The following NTM variants were observed in gnomAD, a reference collection of about 807,000 sequenced individuals.
NTM encodes the protein IgLON family member 2.
Under a neutral mutation model 42.1 loss-of-function variants are expected in NTM, and 13 were observed. The observed-to-expected ratio is 0.31, with a 90% CI of 0.20 to 0.49. The LOEUF (loss-of-function observed/expected upper bound fraction) is 0.49, where lower values mean the gene tolerates loss of function less well. Ranked by LOEUF, NTM falls within the 20% of genes least tolerant of loss-of-function variation. NTM has a pLI of 0.99. For synonymous variants in NTM, 187 were observed against 179.2 expected (o/e 1.04, Z -0.35); for missense variants, 373 against 452.8 (o/e 0.82, Z 1.60).
intron 1 of NTM, among the ~76,000 whole-genome samples, chr11:131,746,175 G>A (rs1209218228): frequency 6.6e-6 from 1 of 152,114 alleles, no homozygotes; most frequent in Non-Finnish European, 1.5e-5. Context: ...GATGTGGTGG[G>A]GAAAACAACA....
At chr11:131,991,986 C>T (rs911786371) in intron 2 of NTM, among the ~76,000 whole-genome samples, 1 of 152,092 alleles carries the variant, frequency 6.6e-6, no homozygotes, top group African/African-American at 2.4e-5. Flanking sequence ...ATATGGAAAC[C>T]TACTCAATCT....
intron 2 of NTM, among the ~76,000 whole-genome samples, chr11:131,990,731 G>C (rs1228307667): frequency 6.6e-6 from 1 of 152,140 alleles, no homozygotes; most frequent in Non-Finnish European, 1.5e-5. Flanking sequence ...TTTTATAAAA[G>C]CTTGCAAGTG....
intron 1 of NTM, among the ~76,000 whole-genome samples, chr11:131,729,925 T>C (rs576342521): frequency 4.6e-5 from 7 of 151,458 alleles, no homozygotes; most frequent in Middle Eastern, 3.4e-3. Flanking sequence ...AGTTTTTTTT[T>C]GGATAATGTT....
chr11:131,619,490 A>T (rs1198626091), intron 1 of NTM, among the ~76,000 whole-genome samples: 1 of 152,222 alleles, frequency 6.6e-6, no homozygotes, highest in African/African-American at 2.4e-5. Flanking sequence ...AAGGAAAAGC[A>T]GAAAGAAAGA....
intron 1 of NTM, among the ~76,000 whole-genome samples, chr11:131,458,747 C>T (rs943684653): frequency 6.6e-6 from 1 of 152,342 alleles, no homozygotes; most frequent in South Asian, 2.1e-4. Flanking sequence ...ATTCCCAGGG[C>T]TGTCTAAACT....
At chr11:131,526,654 CT>C (rs1198461386) in intron 1 of NTM, among the ~76,000 whole-genome samples, 2 of 152,126 alleles carry the variant, frequency 1.3e-5, no homozygotes, top group African/African-American at 4.8e-5. Flanking sequence ...TTGATTCCTA[CT>C]TTTTAATTAA....
intron 2 of NTM, among the ~76,000 whole-genome samples, chr11:131,993,331 G>A (rs116765392): frequency 0.019 from 2,943 of 152,166 alleles, 100 homozygotes; most frequent in African/African-American, 0.067. Flanking sequence ...TAGGCAGTTC[G>A]TTGTCATCAG....
In NTM at chr11:131,973,741, C is replaced by T. The variant is rs530429124; in HGVS notation, c.167+62093C>T. Among the ~76,000 whole-genome samples the T allele has an allele frequency of 1.1e-3, 168 of 152,276 alleles. 1 individual carries two copies. Among genetic ancestry groups the T allele is most frequent in the African/African-American group, 3.8e-3 (157 of 41,568 alleles). ...CCAAGGCAGGAGAATCGCTTGAACC[C>T]GGGAGGCAGAGGTTGCAGTGAGCCG... On this transcript the variant is annotated intron_variant, in intron 2 of 8. Transcript: ENST00000683400.
intron 1 of NTM, among the ~76,000 whole-genome samples, chr11:131,371,611 G>A (rs1941195322): frequency 6.6e-6 from 1 of 152,148 alleles, no homozygotes; most frequent in Admixed American, 6.5e-5. Context: ...GGGAGCCCTG[G>A]GGGCTGCAGT....
At chr11:131,672,815 C>T (rs2070582754) in intron 1 of NTM, among the ~76,000 whole-genome samples, 1 of 150,492 alleles carries the variant, frequency 6.6e-6, no homozygotes, top group African/African-American at 2.4e-5. Flanking sequence ...GATAAGTTCT[C>T]CCTTAAAACA....
chr11:131,600,717 G>A (rs942513296), intron 1 of NTM, among the ~76,000 whole-genome samples: 2 of 152,166 alleles, frequency 1.3e-5, no homozygotes, highest in Non-Finnish European at 2.9e-5. Flanking sequence ...GGTACTTATG[G>A]GCTGCAGGAA....
chr11:132,231,384 T>A (rs1205250094), intron 4 of NTM, among the ~76,000 whole-genome samples: 1 of 152,220 alleles, frequency 6.6e-6, no homozygotes, highest in Non-Finnish European at 1.5e-5. Flanking sequence ...CAAAGCCTCA[T>A]AATTAACGTC....
chr11:131,436,090 T>A (rs1046164472), intron 1 of NTM, among the ~76,000 whole-genome samples: 1 of 152,208 alleles, frequency 6.6e-6, no homozygotes, highest in African/African-American at 2.4e-5. Flanking sequence ...GGATTATGTT[T>A]ATTGATTTGC....
intron 7 of NTM, among the ~76,000 whole-genome samples, chr11:132,315,731 G>T (rs1173064253): frequency 6.6e-6 from 1 of 152,120 alleles, no homozygotes; most frequent in Admixed American, 6.5e-5. Context: ...TTCACCACAC[G>T]ATCTCTGCTC....
At chr11:132,192,237 A>G (rs2079429346) in intron 3 of NTM, among the ~76,000 whole-genome samples, 1 of 152,190 alleles carries the variant, frequency 6.6e-6, no homozygotes, top group Non-Finnish European at 1.5e-5. Flanking sequence ...GTCAAAGTGA[A>G]AGAAAAAATA....
chr11:131,424,600 C>CTTTCTTTTTTTTTTTTTTTTTTTTT (rs1947878678), intron 1 of NTM, among the ~76,000 whole-genome samples: 1 of 56,052 alleles, frequency 1.8e-5, no homozygotes, highest in African/African-American at 7.3e-5. Context: ...CTTTTCTTTT[C>CTTTCTTTTTTTTTTTTTTTTTTTTT]TTTTTTTTTT....
chr11:131,781,846 T>C (rs959490024), intron 1 of NTM, among the ~76,000 whole-genome samples: 8 of 152,150 alleles, frequency 5.3e-5, no homozygotes, highest in African/African-American at 1.9e-4. Flanking sequence ...CTGAGTTAAA[T>C]AGAAATCAGC....
intron 4 of NTM, among the ~76,000 whole-genome samples, chr11:132,227,281 G>A (rs909108038): frequency 1.3e-5 from 2 of 152,224 alleles, no homozygotes; most frequent in Non-Finnish European, 2.9e-5. Flanking sequence ...GAAGTCCAGG[G>A]AGATGAGGAT....
intron 1 of NTM, among the ~76,000 whole-genome samples, chr11:131,568,063 G>T (rs1378685289): frequency 6.6e-6 from 1 of 152,364 alleles, no homozygotes; most frequent in East Asian, 1.9e-4. Flanking sequence ...TTTACATATA[G>T]TAAGTCACAG....
Sources: allele counts gnomAD v4.1 joint callset (sites outside exome capture counted in the v4.1 genomes callset), GRCh38; gene constraint gnomAD v4.1.1; transcripts MANE v1.5; gene names NCBI Gene and HGNC (gene_info 2026-07-23, HGNC 2026-07-21).